Variants in CEP350 observed in about 807,000 individuals in gnomAD.
CEP350 encodes the protein centrosomal protein 350.
CEP350 carries 126 observed loss-of-function variants against 331.8 expected under a neutral mutation model. The ratio of observed to expected loss-of-function variants is 0.38; its 90% confidence interval spans 0.33 to 0.44. The LOEUF is 0.44. CEP350 is among the 20% of genes least tolerant of loss of function. The pLI is 1.00. For missense variants in CEP350, 3,406 were observed against 3,634.6 expected, an observed-to-expected ratio of 0.94 and a Z score of 1.62; for synonymous variants, 1,200 against 1,259.5, an observed-to-expected ratio of 0.95 and a Z score of 1.00.
chr1:180,042,786 A>G (rs889167952), intron 19 of CEP350, among the ~76,000 whole-genome samples: 1 of 152,222 alleles, frequency 6.6e-6, no homozygotes, highest in African/African-American at 2.4e-5. Flanking sequence ...ATTACTGCTT[A>G]TGTTATGCTT....
chr1:180,018,626 CA>C (rs1379633812), intron 11 of CEP350, among the ~76,000 whole-genome samples: 1 of 152,162 alleles, frequency 6.6e-6, no homozygotes, highest in Non-Finnish European at 1.5e-5. Flanking sequence ...TACCCCCCTT[CA>C]GATGACTTAT....
Position 180,095,873 on chromosome 1 carries a change from T to C in CEP350, c.8862T>C (p.Leu2954=). The C allele has an allele frequency of 6.2e-7, 1 of 1,613,158 alleles. No individual in the cohort carries two copies. The highest frequency in any genetic ancestry group is 1.1e-5 in the South Asian group (1 of 90,972). The part of the protein sequence containing the change: ...LHSISIPTKL[L]GCASKGLDIE... ...GCATCAGTATTCCTACAAAACTGCT[T>C]GGCTGTGCCAGTAAAGGTCTAGATA... The change falls in exon 35 of 38, where the codon CTT becomes CTC. Residue 2954 remains leucine (L), a synonymous_variant. Coordinates refer to ENST00000367607, the MANE Select transcript of CEP350 (RefSeq NM_014810.5).
Position 179,954,962 on chromosome 1 carries a change from TCTTC to T in CEP350, c.-188_-185del. 8.7e-7 allele frequency: 1 copy of T among 1,151,304 alleles called. No individual in the cohort carries two copies. The highest frequency in any genetic ancestry group is 1.1e-6 in the Non-Finnish European group (1 of 885,126). 71.3% of individuals were successfully genotyped at this position (1,151,304 alleles called of 1,614,324 possible). On this transcript the variant is annotated 5_prime_UTR_variant, in exon 1 of 38. Coordinates refer to ENST00000367607, the MANE Select transcript of CEP350 (RefSeq NM_014810.5). ...GAGGGGAGGCAGCCTTTCCGCCTTGTCTTCCTTCCCAGCGGACCGGCGGATCCCC... is the reference window on the plus strand; with the variant it reads ...GAGGGGAGGCAGCCTTTCCGCCTTGTCTTCCCAGCGGACCGGCGGATCCCC...
At chr1:179,964,926 T>C (rs1001587729) in intron 1 of CEP350, among the ~76,000 whole-genome samples, 2 of 152,044 alleles carry the variant, frequency 1.3e-5, no homozygotes, top group African/African-American at 4.8e-5. Context: ...TCTTAGTTAC[T>C]TCTTTTTTTT....
chr1:180,015,676 A>T (rs773252431), intron 10 of CEP350, among the ~76,000 whole-genome samples, 173 bp from the exon 11 acceptor site: 1 of 152,140 alleles, frequency 6.6e-6, no homozygotes, highest in Non-Finnish European at 1.5e-5. Flanking sequence ...TTTTGCTATT[A>T]GTAATGTTTG....
chr1:180,044,089 G>T lies in CEP350; in HGVS notation c.4538G>T (p.Gly1513Val). The change falls in exon 21 of 38, where the codon GGG becomes GTG. Residue 1513 changes from glycine (G) to valine (V), a missense_variant. Physicochemically the swap from Gly to Val is moderately radical, Grantham distance 109. Coordinates refer to ENST00000367607, the MANE Select transcript of CEP350 (RefSeq NM_014810.5). ...GTTTCACTCTCTCAGAGTAAAGAAG[G>T]GACCCTTGACTCAAAGCATCAGAAG... ...PSVSLSQSKE[G>V]TLDSKHQKYS... 1.3e-6 allele frequency: 2 copies of T among 1,556,524 alleles called. No individual in the cohort carries two copies. The highest frequency in any genetic ancestry group is 2.4e-5 in the East Asian group (1 of 42,064).
chr1:180,092,189 A>T (rs1160063181), intron 33 of CEP350, among the ~76,000 whole-genome samples: 1 of 152,254 alleles, frequency 6.6e-6, no homozygotes, highest in Non-Finnish European at 1.5e-5. Context: ...TTAATTCAAG[A>T]GCTTAGTTGA....
intron 1 of CEP350, among the ~76,000 whole-genome samples, chr1:179,955,421 A>G (rs1357515503): frequency 6.6e-6 from 1 of 152,154 alleles, no homozygotes; most frequent in Non-Finnish European, 1.5e-5. Flanking sequence ...CTGCAGAGGT[A>G]AGATACCTCT....
intron 27 of CEP350, among the ~76,000 whole-genome samples, chr1:180,067,302 T>A (rs1301652478): frequency 6.6e-6 from 1 of 152,192 alleles, no homozygotes; most frequent in Non-Finnish European, 1.5e-5. Context: ...ATTCAGTGAC[T>A]TTTTGATCTG....
chr1:180,055,943 C>G (rs1657812340), intron 25 of CEP350, among the ~76,000 whole-genome samples: 1 of 151,848 alleles, frequency 6.6e-6, no homozygotes. Flanking sequence ...AAGTAAATAA[C>G]TTTCTATAAT....
intron 33 of CEP350, among the ~76,000 whole-genome samples, chr1:180,091,414 T>G (rs1199964031): frequency 1.3e-5 from 2 of 152,162 alleles, no homozygotes; most frequent in Admixed American, 1.3e-4. Context: ...GTATATCATC[T>G]GCATCTCTGA....
intron 21 of CEP350, among the ~76,000 whole-genome samples, chr1:180,047,177 G>A (rs1657172448): frequency 6.6e-6 from 1 of 152,102 alleles, no homozygotes; most frequent in African/African-American, 2.4e-5. Flanking sequence ...CAGCAGCAAG[G>A]GCATTTTGGA....
intron 17 of CEP350, among the ~76,000 whole-genome samples, chr1:180,038,155 T>C (rs1355463195): frequency 6.6e-6 from 1 of 152,240 alleles, no homozygotes; most frequent in Non-Finnish European, 1.5e-5. Context: ...AAGTGTACTT[T>C]GAACTCTGTG....
At chr1:180,016,041 G>T in intron 11 of CEP350, 71 bp downstream of exon 11, 2 of 1,560,684 alleles carry the variant, frequency 1.3e-6, no homozygotes, top group Admixed American at 3.6e-5. Context: ...TATGTTCAGA[G>T]AATTTTGTTG....
intron 15 of CEP350, among the ~76,000 whole-genome samples, chr1:180,033,641 G>A (rs1355405870): frequency 6.6e-6 from 1 of 152,134 alleles, no homozygotes; most frequent in East Asian, 1.9e-4. Context: ...ATTTAGGGCA[G>A]GGTTTGTGCC....
intron 5 of CEP350, among the ~76,000 whole-genome samples, chr1:179,993,108 T>C (rs914679691): frequency 9.2e-5 from 14 of 152,022 alleles, no homozygotes; most frequent in Non-Finnish European, 1.5e-5. Flanking sequence ...AAAATTTGGG[T>C]AAGAATGTAT....
In CEP350 at chr1:180,082,236, T is replaced by C. The variant is rs115356491; in HGVS notation, c.6124+1575T>C. Among the ~76,000 whole-genome samples, 976 of 152,318 alleles carry C rather than the reference T, an allele frequency of 6.4e-3. 3 individuals carry two copies. Among genetic ancestry groups the C allele is most frequent in the South Asian group, 7.9e-3 (38 of 4,824 alleles). ...ACTTATTTAAGTAAGAATAAATGGT[T>C]TTAGAAAAGTAGCTCTGAGGTTTCT... On this transcript the variant is annotated intron_variant, in intron 30 of 37. Coordinates refer to ENST00000367607, the MANE Select transcript of CEP350 (RefSeq NM_014810.5).
At position 179,955,007 on chromosome 1, in the gene CEP350, A is replaced by G. The variant is rs1650057210; in HGVS notation, c.-149A>G. The G allele has an allele frequency of 7.7e-7, 1 of 1,290,446 alleles. No individual in the cohort carries two copies. The highest frequency in any genetic ancestry group is 1.6e-5 in the African/African-American group (1 of 64,458). The allele number at this position is 1,290,446 out of a possible 1,614,324, so 79.9% of individuals were successfully genotyped here. ...GCGGATCCCCGGAGCCGGTGCGAGG[A>G]GGGCACCCGGTGCGTCCCCGGAGCG... On this transcript the variant is annotated 5_prime_UTR_variant, in exon 1 of 38. Coordinates refer to ENST00000367607, the MANE Select transcript of CEP350 (RefSeq NM_014810.5).
intron 29 of CEP350, among the ~76,000 whole-genome samples, chr1:180,079,756 A>G (rs533347731): frequency 6.6e-6 from 1 of 152,286 alleles, no homozygotes; most frequent in East Asian, 1.9e-4. Flanking sequence ...GATTCTACCT[A>G]GCATCATTAT....
Sources: allele counts gnomAD v4.1 joint callset (sites outside exome capture counted in the v4.1 genomes callset), GRCh38; gene constraint gnomAD v4.1.1; transcripts MANE v1.5; gene names NCBI Gene and HGNC (gene_info 2026-07-23, HGNC 2026-07-21).